Variants in PARD3B observed in about 807,000 individuals in gnomAD.
The protein encoded by PARD3B is partitioning defective 3 homolog B.
PARD3B carries 103 observed loss-of-function variants against 130.2 expected under a neutral mutation model. That is an observed-to-expected ratio of 0.79 (90% CI 0.67 to 0.93). The LOEUF (loss-of-function observed/expected upper bound fraction) is 0.93. Among genes scored for constraint, PARD3B ranks in the 40% least tolerant of loss-of-function variants. The pLI, the probability that PARD3B is intolerant of heterozygous loss-of-function variation, is 0.00. For missense variants in PARD3B, 1,609 were observed against 1,499.2 expected, an observed-to-expected ratio of 1.07 and a Z score of -1.21; for synonymous variants, 583 against 553.2, an observed-to-expected ratio of 1.05 and a Z score of -0.76.
At chr2:204,585,499 CT>C (rs11323444) in intron 1 of PARD3B, among the ~76,000 whole-genome samples, 6,797 of 136,732 alleles carry the variant, frequency 0.05, 366 homozygotes, top group East Asian at 0.13. Context: ...ATGCCTGGCT[CT>C]TTTTTTTTTT....
At chr2:204,801,355 G>GT (rs568112062) in intron 2 of PARD3B, among the ~76,000 whole-genome samples, 9 of 152,290 alleles carry the variant, frequency 5.9e-5, no homozygotes, top group Middle Eastern at 3.4e-3. Flanking sequence ...AGCATGGAAT[G>GT]TTTTTCCATT....
At chr2:204,646,181 T>A (rs1328857382) in intron 1 of PARD3B, among the ~76,000 whole-genome samples, 1 of 152,142 alleles carries the variant, frequency 6.6e-6, no homozygotes, top group African/African-American at 2.4e-5. Context: ...TCTGCACTTG[T>A]ATTACCACTT....
intron 4 of PARD3B, among the ~76,000 whole-genome samples, chr2:205,059,589 A>G (rs1414427963): frequency 6.6e-6 from 1 of 152,058 alleles, no homozygotes; most frequent in Non-Finnish European, 1.5e-5. Context: ...CCTCTAGCAT[A>G]ATTTGTTCCA....
chr2:205,202,712 A>G (rs986298129), intron 15 of PARD3B, among the ~76,000 whole-genome samples: 1 of 152,216 alleles, frequency 6.6e-6, no homozygotes, highest in African/African-American at 2.4e-5. Flanking sequence ...TCCCTCTTAC[A>G]TAAAAACACT....
At chr2:204,817,921 T>C (rs908011857) in intron 2 of PARD3B, among the ~76,000 whole-genome samples, 2 of 152,156 alleles carry the variant, frequency 1.3e-5, no homozygotes, top group Non-Finnish European at 2.9e-5. Context: ...GAAAAAACTT[T>C]TTTTCAGGCA....
At chr2:205,115,300 C>A (rs572502367) in intron 6 of PARD3B, among the ~76,000 whole-genome samples, 37 of 152,176 alleles carry the variant, frequency 2.4e-4, no homozygotes, top group Non-Finnish European at 5.4e-4. Flanking sequence ...GGTTTCAGAA[C>A]AACTGGATTT....
intron 2 of PARD3B, among the ~76,000 whole-genome samples, chr2:204,695,529 G>A (rs951185062): frequency 2.0e-5 from 3 of 152,032 alleles, no homozygotes; most frequent in African/African-American, 7.2e-5. Flanking sequence ...CAGTTTGAAT[G>A]TAGGTTTTTC....
chr2:205,559,567 C>T (rs1575360718), intron 22 of PARD3B, among the ~76,000 whole-genome samples: 2 of 144,036 alleles, frequency 1.4e-5, no homozygotes, highest in Admixed American at 7.0e-5. Flanking sequence ...GAGGATGTAT[C>T]TTTTCTCTGA....
chr2:205,442,598 G>A (rs538093094), intron 20 of PARD3B, among the ~76,000 whole-genome samples: 6 of 152,180 alleles, frequency 3.9e-5, no homozygotes, highest in African/African-American at 1.4e-4. Flanking sequence ...GCCGGGCCTG[G>A]GAAGAACGGG....
chr2:205,333,335 C>T (rs2043201683), intron 18 of PARD3B, among the ~76,000 whole-genome samples: 1 of 151,938 alleles, frequency 6.6e-6, no homozygotes, highest in Non-Finnish European at 1.5e-5. Flanking sequence ...TGTAAAATAT[C>T]TAAACAAATT....
chr2:205,318,600 G>A (rs1036729628), intron 18 of PARD3B, among the ~76,000 whole-genome samples: 1 of 151,976 alleles, frequency 6.6e-6, no homozygotes, highest in Non-Finnish European at 1.5e-5. Flanking sequence ...ATGGGGAGAG[G>A]GAGAAACTCA....
At chr2:205,082,792 G>T (rs373250930) in intron 4 of PARD3B, among the ~76,000 whole-genome samples, 24 of 152,040 alleles carry the variant, frequency 1.6e-4, no homozygotes, top group African/African-American at 5.1e-4. Flanking sequence ...ATATCTTCAG[G>T]CCAATAAATT....
At chr2:204,589,171 A>G (rs1413555133) in intron 1 of PARD3B, among the ~76,000 whole-genome samples, 1 of 152,192 alleles carries the variant, frequency 6.6e-6, no homozygotes, top group Non-Finnish European at 1.5e-5. Flanking sequence ...CACATGGCAT[A>G]GTTAGGACAG....
chr2:205,343,058 T>A (rs1328203667), intron 18 of PARD3B, among the ~76,000 whole-genome samples: 1 of 152,218 alleles, frequency 6.6e-6, no homozygotes, highest in Non-Finnish European at 1.5e-5. Flanking sequence ...TCTATCAGCA[T>A]TATCCTCAAT....
At chr2:205,409,977 T>G (rs1181697651) in intron 19 of PARD3B, among the ~76,000 whole-genome samples, 1 of 152,196 alleles carries the variant, frequency 6.6e-6, no homozygotes, top group Non-Finnish European at 1.5e-5. Context: ...AGATATTCAA[T>G]GTAATCCATA....
At chr2:205,145,438 C>T (rs2033285253) in intron 10 of PARD3B, among the ~76,000 whole-genome samples, 1 of 152,206 alleles carries the variant, frequency 6.6e-6, no homozygotes, top group African/African-American at 2.4e-5. Flanking sequence ...ACCTGCTGCT[C>T]TGCATCTTTA....
At chr2:204,920,875 A>C (rs963248457) in intron 2 of PARD3B, among the ~76,000 whole-genome samples, 1 of 152,198 alleles carries the variant, frequency 6.6e-6, no homozygotes, top group Non-Finnish European at 1.5e-5. Context: ...TTCCCCTGTC[A>C]GATGCAATTT....
In PARD3B at chr2:205,078,948, G is replaced by A. The variant is rs1701233405; in HGVS notation, c.505-25478G>A. On this transcript the variant is annotated intron_variant, in intron 4 of 22. Transcript: ENST00000406610. The surrounding 1 kb of genome is among the most constrained non-coding windows in gnomAD (Gnocchi z 4.0). ...CCAGCCACGTAAGTGAGCCGTCATG[G>A]ATGCCCAGACCTGTGGAGCCTTGGC... Among the ~76,000 whole-genome samples the A allele has an allele frequency of 1.3e-5, 2 of 152,210 alleles. No individual in the cohort carries two copies. Among genetic ancestry groups the A allele is most frequent in the Admixed American group, 1.3e-4 (2 of 15,290 alleles).
intron 18 of PARD3B, among the ~76,000 whole-genome samples, chr2:205,399,521 AT>A (rs1306105623): frequency 4.6e-5 from 7 of 151,698 alleles, no homozygotes; most frequent in Non-Finnish European, 1.0e-4. Flanking sequence ...CGCCCGGCTA[AT>A]TTTTGTATTT....
Sources: gnomAD v4.1 joint callset for allele counts (sites outside exome capture counted in the v4.1 genomes callset) on GRCh38, gnomAD v4.1.1 for gene constraint, Gnocchi (gnomAD v3.1) non-coding constraint, MANE v1.5 for transcripts, NCBI Gene and HGNC (gene_info 2026-07-23, HGNC 2026-07-21) for gene names.